The following PDGFRA variants were observed in gnomAD, a reference collection of about 807,000 sequenced individuals.
The protein encoded by PDGFRA is platelet-derived growth factor receptor alpha.
In PDGFRA, 25 loss-of-function variants were observed where a neutral mutation model predicts 121.5. That is an observed-to-expected ratio of 0.21 (90% CI 0.15 to 0.29). The LOEUF (loss-of-function observed/expected upper bound fraction) is 0.29. Among genes scored for constraint, PDGFRA ranks in the 10% least tolerant of loss-of-function variants. The pLI, the probability that PDGFRA is intolerant of heterozygous loss-of-function variation, is 1.00. For missense variants in PDGFRA, 1,008 were observed against 1,345.1 expected (o/e 0.75, Z 3.92); for synonymous variants, 463 against 494.8 (o/e 0.94, Z 0.85).
intron 22 of PDGFRA, among the ~76,000 whole-genome samples, chr4:54,292,150 C>T (rs1724664279): frequency 6.6e-6 from 1 of 152,128 alleles, no homozygotes; most frequent in Admixed American, 6.6e-5. Context: ...CTGTTTGACC[C>T]ATCAATCCCA....
intron 5 of PDGFRA, 28 bp downstream of exon 5, chr4:54,265,077 T>G (rs1577711636): frequency 1.2e-6 from 2 of 1,612,102 alleles, no homozygotes; most frequent in East Asian, 4.5e-5. Context: ...GTGCAATGGC[T>G]TGGAGCAGAG....
chr4:54,275,699 G>A (rs1465052544), intron 12 of PDGFRA, among the ~76,000 whole-genome samples: 2 of 152,206 alleles, frequency 1.3e-5, no homozygotes, highest in Non-Finnish European at 2.9e-5. Flanking sequence ...AAGAGTTTAA[G>A]TCTTCTTAGA....
At chr4:54,268,037 G>GGATTGAATA (rs1723140027) in intron 7 of PDGFRA, among the ~76,000 whole-genome samples, 1 of 152,194 alleles carries the variant, frequency 6.6e-6, no homozygotes. Context: ...GGACTCACCA[G>GGATTGAATA]GATTGAATAG....
rs2110360211 is a variant in PDGFRA at position 54,295,863 on chromosome 4, C to T, written c.*591C>T. The T allele has an allele frequency of 4.3e-6, 1 of 234,606 alleles. No homozygotes were observed. Among genetic ancestry groups the T allele is most frequent in the Non-Finnish European group, 8.4e-6 (1 of 118,888 alleles). 14.5% of individuals were successfully genotyped at this position (234,606 alleles called of 1,614,324 possible). On this transcript the variant is annotated 3_prime_UTR_variant, in exon 23 of 23. Coordinates refer to ENST00000257290, the MANE Select transcript of PDGFRA (RefSeq NM_006206.6). Reference sequence around the variant, plus strand: ...AGATAAAGAATAATAATTAACCAACCTTGTTTAATAGATTTGGGTCATTTA... The same window carrying T: ...AGATAAAGAATAATAATTAACCAACTTTGTTTAATAGATTTGGGTCATTTA...
At chr4:54,244,428 C>T (rs887199704) in intron 1 of PDGFRA, among the ~76,000 whole-genome samples, 3 of 152,162 alleles carry the variant, frequency 2.0e-5, no homozygotes, top group Non-Finnish European at 2.9e-5. Flanking sequence ...GCTGTTCTGC[C>T]GCCACTGCTG....
chr4:54,247,352 A>G (rs1391540490), intron 1 of PDGFRA, among the ~76,000 whole-genome samples: 1 of 152,224 alleles, frequency 6.6e-6, no homozygotes, highest in African/African-American at 2.4e-5. Context: ...CCAGCAGCAC[A>G]TCAAAAAGCT....
chr4:54,267,870 C>A, intron 7 of PDGFRA, 129 bp downstream of exon 7: 1 of 743,898 alleles, frequency 1.3e-6, no homozygotes, highest in Non-Finnish European at 2.4e-6. Context: ...TTAAGAGATG[C>A]TTGAAATCAC....
At chr4:54,263,986 C>A (rs761746879) in intron 4 of PDGFRA, 59 bp downstream of exon 4, 2 of 1,488,948 alleles carry the variant, frequency 1.3e-6, no homozygotes, top group Non-Finnish European at 1.8e-6. Flanking sequence ...TCATAAGGTG[C>A]GTGTAGGATT....
rs1030134546 is a variant in PDGFRA, at chr4:54,273,806, G to A, written c.1558+76G>A. ...CAGGCGGAACTTTGAATCCCAGATA[G>A]GGGTTATATAGAAATGAAGGTCCCA... On this transcript the variant is annotated intron_variant, in intron 10 of 22. Coordinates refer to ENST00000257290, the MANE Select transcript of PDGFRA (RefSeq NM_006206.6). The A allele has an allele frequency of 9.8e-6, 12 of 1,222,408 alleles. No homozygotes were observed. The Admixed American group carries it at 1.4e-4, about 14-fold the overall frequency. 75.7% of individuals were successfully genotyped at this position (1,222,408 alleles called of 1,614,324 possible).
intron 16 of PDGFRA, chr4:54,281,612 G>C: frequency 1.5e-6 from 2 of 1,356,080 alleles, no homozygotes; most frequent in Non-Finnish European, 1.9e-6. Flanking sequence ...CGAGATGTCA[G>C]AGGAACCTGA....
intron 1 of PDGFRA, among the ~76,000 whole-genome samples, chr4:54,230,099 T>C (rs2110159976): frequency 6.6e-6 from 1 of 152,090 alleles, no homozygotes; most frequent in African/African-American, 2.4e-5. Flanking sequence ...GGCGCTGCTC[T>C]GGGAGAGAGT....
chr4:54,282,390 G>A (rs187481757), intron 16 of PDGFRA, among the ~76,000 whole-genome samples: 3 of 152,306 alleles, frequency 2.0e-5, no homozygotes, highest in Admixed American at 2.0e-4. Flanking sequence ...CACATGGCCA[G>A]AGCAAGAGCA....
At chr4:54,265,173 C>G in intron 5 of PDGFRA, 124 bp downstream of exon 5, 1 of 879,752 alleles carries the variant, frequency 1.1e-6, no homozygotes, top group East Asian at 2.5e-5. Flanking sequence ...AGCTTCCCAC[C>G]TCTGGGATGA....
At position 54,263,860 on chromosome 4, in the gene PDGFRA, T is replaced by C. The variant is rs756408619; in HGVS notation, c.561T>C (p.Tyr187=). ...ATGGGACCTTCACTGTAGGGCCCTA[T>C]ATCTGTGAGGCCACCGTCAAAGGAA... ...GFNGTFTVGP[Y]ICEATVKGKK... Residue 187 remains tyrosine, a synonymous_variant, in exon 4 of 23, where the codon TAT becomes TAC. Coordinates refer to ENST00000257290, the MANE Select transcript of PDGFRA (RefSeq NM_006206.6). The C allele has an allele frequency of 5.0e-6, 8 of 1,613,908 alleles. No homozygotes were observed. In the Admixed American group the frequency reaches 1.3e-4, roughly 27 times the overall value.
chr4:54,246,412 C>T (rs1721666085), intron 1 of PDGFRA, among the ~76,000 whole-genome samples: 2 of 152,202 alleles, frequency 1.3e-5, no homozygotes, highest in African/African-American at 4.8e-5. Context: ...GATTAAGAAA[C>T]TCACTGAAAA....
In PDGFRA at chr4:54,261,347, A is replaced by T. The variant is rs779726497; in HGVS notation, c.302A>T (p.Tyr101Phe). 1.9e-6 allele frequency: 3 copies of T among 1,614,042 alleles called. No individual in the cohort carries two copies. Among genetic ancestry groups the T allele is most frequent in the Non-Finnish European group, 2.5e-6 (3 of 1,179,934 alleles). ...SAAHTGLYTC[Y>F]YNHTQTEENE... is the part of the protein sequence containing the mutation. ...GCCCACACAGGGTTGTACACTTGCT[A>T]TTACAACCACACTCAGACAGAAGAG... Residue 101 changes from tyrosine to phenylalanine, a missense_variant, in exon 3 of 23, where the codon TAT becomes TTT. By Grantham distance (22) the Tyr-to-Phe change is conservative. Transcript: ENST00000257290.
intron 16 of PDGFRA, among the ~76,000 whole-genome samples, chr4:54,283,339 T>C (rs1724166083): frequency 6.6e-6 from 1 of 152,196 alleles, no homozygotes; most frequent in Admixed American, 6.5e-5. Flanking sequence ...TAACACTCTG[T>C]GCACCCACAG....
intron 12 of PDGFRA, 23 bp downstream of exon 12, chr4:54,274,996 C>A (rs760507175): frequency 7.4e-6 from 12 of 1,613,428 alleles, no homozygotes; most frequent in Non-Finnish European, 1.0e-5. Flanking sequence ...GGGTAACCTC[C>A]CAAGACTCCC....
chr4:54,255,834 A>G (rs1364750327), intron 1 of PDGFRA, among the ~76,000 whole-genome samples: 13 of 151,854 alleles, frequency 8.6e-5, no homozygotes, highest in Non-Finnish European at 1.5e-5. Context: ...AACAACAACA[A>G]CAACAACAAA....
Sources: gnomAD v4.1 joint callset for allele counts (sites outside exome capture counted in the v4.1 genomes callset) on GRCh38, gnomAD v4.1.1 for gene constraint, MANE v1.5 for transcripts, NCBI Gene and HGNC (gene_info 2026-07-23, HGNC 2026-07-21) for gene names.